Variants in MCTP1 observed in about 807,000 individuals in gnomAD.
MCTP1 encodes multiple C2 and transmembrane domain-containing protein 1.
A neutral mutation model predicts 120.6 loss-of-function variants in MCTP1; 69 were observed. The observed-to-expected ratio is 0.57, with a 90% confidence interval of 0.47 to 0.70. The LOEUF is 0.70. Among genes scored for constraint, MCTP1 ranks in the 30% least tolerant of loss-of-function variants. MCTP1 has a pLI of 0.00. For missense variants in MCTP1, 1,203 were observed against 1,248.8 expected (o/e 0.96, Z 0.55); for synonymous variants, 529 against 493.1 (o/e 1.07, Z -0.96).
chr5:95,234,532 A>C (rs1755323664), intron 1 of MCTP1, among the ~76,000 whole-genome samples: 1 of 152,234 alleles, frequency 6.6e-6, no homozygotes, highest in Non-Finnish European at 1.5e-5. Flanking sequence ...GAAGAGGGAA[A>C]GACTGAGGAA....
intron 1 of MCTP1, among the ~76,000 whole-genome samples, chr5:95,109,622 T>C (rs986451846): frequency 6.6e-6 from 1 of 152,154 alleles, no homozygotes; most frequent in African/African-American, 2.4e-5. Flanking sequence ...TAATGAAGAA[T>C]GATGAGGACT....
chr5:94,993,372 G>A (rs765360692), intron 2 of MCTP1, among the ~76,000 whole-genome samples: 4 of 152,136 alleles, frequency 2.6e-5, no homozygotes, highest in African/African-American at 9.7e-5. Flanking sequence ...ATACAGAAGT[G>A]TAAAACAACA....
intron 17 of MCTP1, among the ~76,000 whole-genome samples, chr5:94,852,624 C>A (rs540709519): frequency 6.6e-6 from 1 of 152,032 alleles, no homozygotes; most frequent in African/African-American, 2.4e-5. Flanking sequence ...TTTTAATGCT[C>A]ATAGCAAGGT....
At chr5:95,036,185 T>C (rs922525883) in intron 1 of MCTP1, among the ~76,000 whole-genome samples, 1 of 152,200 alleles carries the variant, frequency 6.6e-6, no homozygotes, top group Non-Finnish European at 1.5e-5. Flanking sequence ...TTAGTTGCTG[T>C]TACCTTCCTT....
intron 1 of MCTP1, chr5:95,081,713 C>G: frequency 7.9e-7 from 1 of 1,266,432 alleles, no homozygotes; most frequent in Non-Finnish European, 1.0e-6. Flanking sequence ...ACTCAACTCT[C>G]AAACCAGTAA....
At chr5:95,097,542 G>A (rs888925181) in intron 1 of MCTP1, among the ~76,000 whole-genome samples, 4 of 152,298 alleles carry the variant, frequency 2.6e-5, no homozygotes, top group Non-Finnish European at 5.9e-5. Context: ...AATCACCTAG[G>A]GTCTTGGAAA....
intron 1 of MCTP1, among the ~76,000 whole-genome samples, chr5:95,123,196 C>T (rs926513819): frequency 7.9e-5 from 12 of 152,114 alleles, no homozygotes; most frequent in African/African-American, 2.9e-4. Flanking sequence ...GATTATTACA[C>T]ATTACATGCC....
At chr5:95,060,336 A>C (rs1582084626) in intron 1 of MCTP1, among the ~76,000 whole-genome samples, 1 of 152,152 alleles carries the variant, frequency 6.6e-6, no homozygotes, top group Non-Finnish European at 1.5e-5. Context: ...GCTTCTGTAG[A>C]GCTGTTAGAA....
At chr5:95,103,897 G>A (rs542461580) in intron 1 of MCTP1, among the ~76,000 whole-genome samples, 2 of 152,234 alleles carry the variant, frequency 1.3e-5, no homozygotes, top group South Asian at 4.1e-4. Flanking sequence ...AAGCAGGAGG[G>A]TTGCAGACAA....
At chr5:95,067,838 A>G (rs901997464) in intron 1 of MCTP1, among the ~76,000 whole-genome samples, 3 of 152,160 alleles carry the variant, frequency 2.0e-5, no homozygotes, top group African/African-American at 7.2e-5. Context: ...ATTTGGAAAT[A>G]TACAATACAT....
At chr5:94,869,438 C>A (rs1797425333) in intron 16 of MCTP1, among the ~76,000 whole-genome samples, 1 of 151,978 alleles carries the variant, frequency 6.6e-6, no homozygotes, top group Non-Finnish European at 1.5e-5. Flanking sequence ...TAGAGTCTAT[C>A]TCTTAGTTTT....
chr5:94,880,108 A>C (rs1799738056), intron 12 of MCTP1, among the ~76,000 whole-genome samples: 1 of 152,162 alleles, frequency 6.6e-6, no homozygotes, highest in Non-Finnish European at 1.5e-5. Flanking sequence ...AATTATGCCT[A>C]AGCTTTTAAC....
chr5:95,249,941 C>T (rs947511127), intron 1 of MCTP1, among the ~76,000 whole-genome samples: 9 of 152,170 alleles, frequency 5.9e-5, no homozygotes, highest in East Asian at 1.9e-4. Context: ...CTCACTCATA[C>T]GTGGGAGTTG....
chr5:95,204,124 C>T (rs1343466281), intron 1 of MCTP1, among the ~76,000 whole-genome samples: 1 of 151,976 alleles, frequency 6.6e-6, no homozygotes, highest in East Asian at 1.9e-4. Flanking sequence ...CAAAATTGGA[C>T]ATTTTCCAAA....
intron 1 of MCTP1, chr5:95,068,728 G>T: frequency 9.4e-7 from 1 of 1,058,898 alleles, no homozygotes; most frequent in Non-Finnish European, 1.2e-6. Flanking sequence ...AAGCTTTTAT[G>T]CCTAATTAAA....
chr5:95,214,210 G>T (rs1582555019), intron 1 of MCTP1, among the ~76,000 whole-genome samples: 2 of 152,268 alleles, frequency 1.3e-5, no homozygotes, highest in South Asian at 4.1e-4. Flanking sequence ...TGAAGGATAT[G>T]AACAGACACT....
At chr5:95,102,430 T>C (rs914842837) in intron 1 of MCTP1, among the ~76,000 whole-genome samples, 1 of 152,282 alleles carries the variant, frequency 6.6e-6, no homozygotes, top group Non-Finnish European at 1.5e-5. Flanking sequence ...TGGCTGTTGT[T>C]TTAAGCCACA....
At chr5:94,827,697 CT>C (rs1281813659) in intron 17 of MCTP1, among the ~76,000 whole-genome samples, 3 of 151,458 alleles carry the variant, frequency 2.0e-5, no homozygotes, top group Non-Finnish European at 4.4e-5. Context: ...CTTTTCTTCA[CT>C]TTTTTTTCAT....
chr5:94,983,796 C>T (rs1219733583), intron 2 of MCTP1, among the ~76,000 whole-genome samples: 1 of 152,172 alleles, frequency 6.6e-6, no homozygotes, highest in Admixed American at 6.6e-5. Flanking sequence ...TCAATTTATG[C>T]CTTCCGACCT....
Sources: allele counts gnomAD v4.1 joint callset (sites outside exome capture counted in the v4.1 genomes callset), GRCh38; gene constraint gnomAD v4.1.1; transcripts MANE v1.5; gene names NCBI Gene and HGNC (gene_info 2026-07-23, HGNC 2026-07-21).